STK39: variants seen among roughly 807,000 people sequenced by gnomAD.
The protein encoded by STK39 is STE20/SPS1-related proline-alanine-rich protein kinase.
STK39 carries 20 observed loss-of-function variants against 77.8 expected under a neutral mutation model. The observed-to-expected ratio is 0.26, with a 90% CI of 0.18 to 0.37. The LOEUF is 0.37. Among genes scored for constraint, STK39 ranks in the 10% least tolerant of loss-of-function variants. The probability of loss-of-function intolerance (pLI) is 1.00; values close to 1 mark genes in which losing one functional copy is unlikely to be tolerated. For synonymous variants in STK39, 246 were observed against 234.1 expected, an observed-to-expected ratio of 1.05 and a Z score of -0.47; for missense variants, 479 against 656.5, an observed-to-expected ratio of 0.73 and a Z score of 2.95.
At chr2:168,147,701 T>C (rs1203667971) in intron 5 of STK39, among the ~76,000 whole-genome samples, 1 of 152,124 alleles carries the variant, frequency 6.6e-6, no homozygotes, top group East Asian at 1.9e-4. Flanking sequence ...CATGGGGGAA[T>C]ATATTAACTA....
chr2:167,973,253 C>A (rs1238399289), intron 16 of STK39, among the ~76,000 whole-genome samples: 2 of 151,794 alleles, frequency 1.3e-5, no homozygotes, highest in Non-Finnish European at 2.9e-5. Flanking sequence ...GACATTTGGA[C>A]TAAATTAGGC....
At chr2:168,083,864 G>C (rs562183326) in intron 10 of STK39, among the ~76,000 whole-genome samples, 39 of 152,148 alleles carry the variant, frequency 2.6e-4, no homozygotes, top group Admixed American at 1.5e-3. Flanking sequence ...TGAGGACTTG[G>C]GTGACCTGAG....
chr2:168,154,250 G>A (rs1039313699), intron 5 of STK39, among the ~76,000 whole-genome samples: 8 of 152,184 alleles, frequency 5.3e-5, no homozygotes, highest in African/African-American at 1.9e-4. Flanking sequence ...CACAGTTCAG[G>A]AGCACAGGGG....
chr2:168,024,355 C>T (rs73971114), intron 14 of STK39, among the ~76,000 whole-genome samples: 15,001 of 152,226 alleles, frequency 0.099, 1,582 homozygotes, highest in African/African-American at 0.25. Flanking sequence ...TAATAATTCA[C>T]AGCTGCTATG....
chr2:168,067,670 C>T (rs1406295787), intron 12 of STK39, among the ~76,000 whole-genome samples: 2 of 152,178 alleles, frequency 1.3e-5, no homozygotes, highest in Admixed American at 1.3e-4. Context: ...AATGTCACCA[C>T]TACAGATCCA....
chr2:168,237,053 C>G (rs183462813), intron 1 of STK39, among the ~76,000 whole-genome samples: 1 of 151,992 alleles, frequency 6.6e-6, no homozygotes, highest in African/African-American at 2.4e-5. Flanking sequence ...GCCATTTTCA[C>G]GATATTGATT....
At chr2:168,153,641 G>C (rs1027045616) in intron 5 of STK39, among the ~76,000 whole-genome samples, 10 of 56,234 alleles carry the variant, frequency 1.8e-4, no homozygotes, top group African/African-American at 1.5e-3. Flanking sequence ...ATATGGGGTG[G>C]GGGGGGGTTA....
At chr2:168,037,250 T>C (rs2105347081) in intron 14 of STK39, among the ~76,000 whole-genome samples, 1 of 152,344 alleles carries the variant, frequency 6.6e-6, no homozygotes, top group African/African-American at 2.4e-5. Context: ...CACTACTTTC[T>C]AATCTACCAA....
intron 1 of STK39, among the ~76,000 whole-genome samples, chr2:168,198,974 A>C (rs1230213554): frequency 3.3e-5 from 5 of 152,226 alleles, no homozygotes; most frequent in Admixed American, 2.6e-4. Flanking sequence ...ATGCACATCT[A>C]AAAAAGTTTC....
At chr2:168,220,467 G>T (rs1246975258) in intron 1 of STK39, among the ~76,000 whole-genome samples, 2 of 152,054 alleles carry the variant, frequency 1.3e-5, no homozygotes, top group East Asian at 1.9e-4. Flanking sequence ...TTTCTTCATT[G>T]GCTTGATATC....
Position 168,122,407 on chromosome 2 carries a change from TACC to T in STK39, c.1089+7131_1089+7133del, listed in dbSNP as rs1373178212. 2.6e-5 allele frequency among the ~76,000 whole-genome samples: 4 copies of T among 152,328 alleles called. No individual in the cohort carries two copies. In the East Asian group the frequency reaches 5.8e-4, roughly 22 times the overall value. On this transcript the variant is annotated intron_variant, in intron 10 of 17. Transcript: ENST00000355999. Reference sequence around the variant, plus strand: ...TGTGTAGTATTCCATAGTGTATATGTACCACATTTTCTTTATCCAGTGTACTGT... The same window carrying T: ...TGTGTAGTATTCCATAGTGTATATGTACATTTTCTTTATCCAGTGTACTGT...
intron 14 of STK39, among the ~76,000 whole-genome samples, chr2:168,036,405 A>AG (rs202046873): frequency 0.068 from 10,406 of 152,186 alleles, 664 homozygotes; most frequent in East Asian, 0.2. Context: ...CAGGTGCCAC[A>AG]TTACTGACTG....
intron 2 of STK39, among the ~76,000 whole-genome samples, chr2:168,171,554 T>C (rs1401106245): frequency 2.0e-5 from 3 of 151,604 alleles, no homozygotes; most frequent in African/African-American, 7.3e-5. Context: ...GGCGCAATCA[T>C]AGCTCACAGA....
intron 14 of STK39, among the ~76,000 whole-genome samples, chr2:168,031,927 T>C (rs575759269): frequency 6.6e-6 from 1 of 152,364 alleles, no homozygotes; most frequent in East Asian, 1.9e-4. Flanking sequence ...GTTCTCGGCC[T>C]CTGGAACACT....
At chr2:168,173,344 A>G (rs1688875076) in intron 2 of STK39, among the ~76,000 whole-genome samples, 1 of 152,186 alleles carries the variant, frequency 6.6e-6, no homozygotes, top group Non-Finnish European at 1.5e-5. Flanking sequence ...CACTTCTTTT[A>G]GCAGCATTAT....
At chr2:168,151,017 T>C (rs1688266076) in intron 5 of STK39, among the ~76,000 whole-genome samples, 1 of 152,130 alleles carries the variant, frequency 6.6e-6, no homozygotes, top group African/African-American at 2.4e-5. Context: ...ATGGCCTTGT[T>C]TGGCTCTATA....
intron 10 of STK39, among the ~76,000 whole-genome samples, chr2:168,127,537 T>G (rs975052341): frequency 1.3e-5 from 2 of 152,174 alleles, no homozygotes; most frequent in Non-Finnish European, 2.9e-5. Context: ...AAGGAAAGTA[T>G]GGGTTACACA....
At chr2:168,227,465 G>A (rs190937319) in intron 1 of STK39, among the ~76,000 whole-genome samples, 2 of 152,058 alleles carry the variant, frequency 1.3e-5, no homozygotes, top group Non-Finnish European at 2.9e-5. Context: ...TCCCACATCC[G>A]CATGAAATCA....
At chr2:168,062,008 G>C (rs991954374) in intron 14 of STK39, among the ~76,000 whole-genome samples, 2 of 152,084 alleles carry the variant, frequency 1.3e-5, no homozygotes, top group African/African-American at 2.4e-5. Context: ...ATCAATTAAG[G>C]CTTTTATTTA....
Sources: gnomAD v4.1 joint callset for allele counts (sites outside exome capture counted in the v4.1 genomes callset) on GRCh38, gnomAD v4.1.1 for gene constraint, MANE v1.5 for transcripts, NCBI Gene and HGNC (gene_info 2026-07-23, HGNC 2026-07-21) for gene names.